The following GLIS3 variants were observed in gnomAD, a reference collection of about 807,000 sequenced individuals.
GLIS3 encodes GLIS family zinc finger 3.
In GLIS3, 53 loss-of-function variants were observed where a neutral mutation model predicts 78.6. The observed-to-expected ratio is 0.67, with a 90% CI of 0.54 to 0.85. The LOEUF is 0.85. GLIS3 is among the 40% of genes least tolerant of loss of function. GLIS3 has a pLI of 0.00. For missense variants in GLIS3, 1,703 were observed against 1,231.1 expected (o/e 1.38, Z -5.74); for synonymous variants, 684 against 509.9 (o/e 1.34, Z -4.60).
the GLIS3 span, among the ~76,000 whole-genome samples, chr9:4,468,665 C>A: frequency 6.6e-6 from 1 of 152,132 alleles, no homozygotes; most frequent in Admixed American, 6.5e-5. Context: ...CAACTGGTAC[C>A]AGCCACTGCA....
intron 6 of GLIS3, among the ~76,000 whole-genome samples, chr9:3,930,833 A>AG (rs143572871): frequency 0.052 from 7,876 of 152,272 alleles, 685 homozygotes; most frequent in African/African-American, 0.18. Context: ...CTCATCTAGA[A>AG]GTTTGTTTTT....
the GLIS3 span, among the ~76,000 whole-genome samples, chr9:4,394,353 T>C: frequency 2.6e-5 from 4 of 151,918 alleles, no homozygotes; most frequent in Non-Finnish European, 5.9e-5. Context: ...TATTATTTAA[T>C]CTTTAAGCCC....
At chr9:4,265,080 G>A (rs561222823) in intron 2 of GLIS3, among the ~76,000 whole-genome samples, 1 of 150,904 alleles carries the variant, frequency 6.6e-6, no homozygotes, top group Admixed American at 6.6e-5. Flanking sequence ...GCTGAGGCAG[G>A]AGAATGGCGT....
chr9:4,474,507 G>C, the GLIS3 span, among the ~76,000 whole-genome samples: 5 of 151,958 alleles, frequency 3.3e-5, no homozygotes, highest in African/African-American at 1.2e-4. Context: ...GATATCCATA[G>C]GGAAAAAAAT....
At chr9:3,964,634 G>T (rs1326457267) in intron 4 of GLIS3, among the ~76,000 whole-genome samples, 3 of 152,162 alleles carry the variant, frequency 2.0e-5, no homozygotes, top group African/African-American at 7.2e-5. Context: ...AAATTTGCCT[G>T]TGTCTAGAAC....
intron 4 of GLIS3, among the ~76,000 whole-genome samples, chr9:4,015,629 C>A (rs559319078): frequency 6.6e-6 from 1 of 152,032 alleles, no homozygotes; most frequent in African/African-American, 2.4e-5. Context: ...GGCTCACGCC[C>A]GTAATCCCAG....
the GLIS3 span, among the ~76,000 whole-genome samples, chr9:4,404,511 T>C: frequency 6.6e-6 from 1 of 152,132 alleles, no homozygotes; most frequent in Non-Finnish European, 1.5e-5. Context: ...TAAAATAATA[T>C]CAAGCATCTT....
chr9:4,391,548 G>A, the GLIS3 span, among the ~76,000 whole-genome samples: 1 of 138,066 alleles, frequency 7.2e-6, no homozygotes, highest in African/African-American at 3.1e-5. Flanking sequence ...CATTCTAAGA[G>A]GGGTGTGTGT....
intron 4 of GLIS3, among the ~76,000 whole-genome samples, chr9:3,980,617 C>T (rs1367715632): frequency 6.6e-6 from 1 of 152,142 alleles, no homozygotes; most frequent in Non-Finnish European, 1.5e-5. Context: ...ATTGATTGTG[C>T]CTCTGTATGT....
Position 4,134,602 on chromosome 9 carries a change from A to G in GLIS3, c.389-8661T>C, listed in dbSNP as rs1265661027. Among the ~76,000 whole-genome samples the G allele has an allele frequency of 3.3e-5, 5 of 152,158 alleles. No individual in the cohort carries two copies. In the East Asian group the frequency reaches 9.6e-4, roughly 29 times the overall value. ...TATATGATGTGCCTGCTCAGTAAAGAGTAGTTGTAATTTTTGTTAATGTTA... is the reference window on the plus strand; with the variant it reads ...TATATGATGTGCCTGCTCAGTAAAGGGTAGTTGTAATTTTTGTTAATGTTA... On this transcript the variant is annotated intron_variant, in intron 2 of 10. Coordinates refer to ENST00000381971, the MANE Select transcript of GLIS3 (RefSeq NM_001042413.2).
At chr9:4,443,593 A>C in the GLIS3 span, among the ~76,000 whole-genome samples, 1 of 152,216 alleles carries the variant, frequency 6.6e-6, no homozygotes, top group South Asian at 2.1e-4. Context: ...ATGGAAGAGA[A>C]AGTAACCAGG....
chr9:3,971,906 G>T (rs1170184683), intron 4 of GLIS3, among the ~76,000 whole-genome samples: 2 of 152,102 alleles, frequency 1.3e-5, no homozygotes, highest in Non-Finnish European at 2.9e-5. Context: ...CAGTGCTGGG[G>T]ATACTGAGGA....
chr9:4,287,756 C>G (rs1828125928), intron 1 of GLIS3, among the ~76,000 whole-genome samples: 1 of 152,172 alleles, frequency 6.6e-6, no homozygotes. Flanking sequence ...AAAAGGCTAT[C>G]AAGGAGAAAC....
intron 2 of GLIS3, among the ~76,000 whole-genome samples, chr9:4,224,583 C>A (rs932360415): frequency 3.9e-5 from 6 of 152,150 alleles, no homozygotes; most frequent in Admixed American, 1.3e-4. Context: ...ACAGGAAAAT[C>A]CAGAACCAAA....
At chr9:4,146,622 G>C (rs142922133) in intron 2 of GLIS3, among the ~76,000 whole-genome samples, 1 of 152,236 alleles carries the variant, frequency 6.6e-6, no homozygotes, top group African/African-American at 2.4e-5. Context: ...GGAATCTGGC[G>C]AACTGATTTT....
chr9:4,303,368 G>T (rs940460469), upstream of GLIS3, among the ~76,000 whole-genome samples: 9 of 152,004 alleles, frequency 5.9e-5, no homozygotes, highest in African/African-American at 2.2e-4. Context: ...GGAACTAAAT[G>T]TGTAAAATGG....
intron 8 of GLIS3, among the ~76,000 whole-genome samples, chr9:3,863,900 A>G (rs1339169618): frequency 6.6e-6 from 1 of 152,142 alleles, no homozygotes; most frequent in Admixed American, 6.5e-5. Flanking sequence ...GGAAAGAAAA[A>G]GGGAGGAGGG....
chr9:4,403,805 AGAAG>A, the GLIS3 span, among the ~76,000 whole-genome samples: 1 of 152,140 alleles, frequency 6.6e-6, no homozygotes, highest in Non-Finnish European at 1.5e-5. Flanking sequence ...AAGGAAGGAA[AGAAG>A]GAAGAGAACA....
At chr9:4,454,423 A>G in the GLIS3 span, among the ~76,000 whole-genome samples, 2,879 of 152,334 alleles carry the variant, frequency 0.019, 84 homozygotes, top group African/African-American at 0.057. Flanking sequence ...CTAATTTTAC[A>G]GATGAGAAAA....
Sources: allele counts gnomAD v4.1 joint callset (sites outside exome capture counted in the v4.1 genomes callset), GRCh38; gene constraint gnomAD v4.1.1; transcripts MANE v1.5; gene names NCBI Gene and HGNC (gene_info 2026-07-23, HGNC 2026-07-21).